The following TRAPPC8 variants were observed in gnomAD, a reference collection of about 807,000 sequenced individuals.
TRAPPC8 encodes the protein general sporulation gene 1 homolog.
In TRAPPC8, 54 loss-of-function variants were observed where a neutral mutation model predicts 174.3. The observed-to-expected ratio is 0.31, with a 90% CI of 0.25 to 0.39. TRAPPC8 has a LOEUF of 0.39. TRAPPC8 is among the 10% of genes least tolerant of loss of function. The pLI is 1.00. For synonymous variants in TRAPPC8, 630 were observed against 579.9 expected (o/e 1.09, Z -1.24); for missense variants, 1,531 against 1,699.1 (o/e 0.90, Z 1.74).
chr18:31,846,143 T>G (rs111343328), intron 26 of TRAPPC8, among the ~76,000 whole-genome samples: 6 of 152,332 alleles, frequency 3.9e-5, no homozygotes, highest in African/African-American at 1.4e-4. Flanking sequence ...ATGGAATGTA[T>G]GTGAGGAAAC....
At chr18:31,930,480 C>T (rs186825749) in intron 2 of TRAPPC8, among the ~76,000 whole-genome samples, 2 of 152,218 alleles carry the variant, frequency 1.3e-5, no homozygotes, top group Admixed American at 1.3e-4. Flanking sequence ...TATAAACTAT[C>T]CTGGCCTAAA....
chr18:31,915,440 G>A (rs2145529154), intron 4 of TRAPPC8, among the ~76,000 whole-genome samples: 1 of 130,740 alleles, frequency 7.6e-6, no homozygotes, highest in East Asian at 2.6e-4. Context: ...TACAGCCTAG[G>A]TGACAAAGTG....
intron 27 of TRAPPC8, among the ~76,000 whole-genome samples, chr18:31,836,524 G>A (rs143050345): frequency 6.6e-6 from 1 of 152,066 alleles, no homozygotes; most frequent in Non-Finnish European, 1.5e-5. Context: ...AAGCAGGACG[G>A]GTTTAATAAA....
chr18:31,844,103 C>T (rs1439735653), intron 26 of TRAPPC8, among the ~76,000 whole-genome samples: 1 of 152,136 alleles, frequency 6.6e-6, no homozygotes, highest in East Asian at 1.9e-4. Flanking sequence ...CTAAAATCAA[C>T]CATTTTTCCA....
Position 31,909,714 on chromosome 18 carries a change from G to C in TRAPPC8, c.818C>G (p.Ser273Cys). ...ATCCAATGAAAGCAAGTTATTATCA[G>C]AATTCTTATTTGAAGTTATAGTACA... ...GPCTITSNKN[S>C]DNNLLSLDGL... The change falls in exon 6 of 29, where the codon TCT becomes TGT. Residue 273 changes from serine (S) to cysteine (C), a missense_variant. Coordinates refer to ENST00000283351, the MANE Select transcript of TRAPPC8 (RefSeq NM_014939.5). 1 of 1,600,820 alleles carries C rather than the reference G, an allele frequency of 6.2e-7. No individual in the cohort carries two copies. The highest frequency in any genetic ancestry group is 8.5e-7 in the Non-Finnish European group (1 of 1,176,422).
At position 31,874,703 on chromosome 18, in the gene TRAPPC8, T is replaced by A. The variant is rs1226935399; in HGVS notation, c.1730A>T (p.Lys577Ile). 6.2e-7 allele frequency: 1 copy of A among 1,608,530 alleles called. No homozygotes were observed. Among genetic ancestry groups the A allele is most frequent in the African/African-American group, 1.3e-5 (1 of 74,744 alleles). The change falls in exon 13 of 29, where the codon AAA becomes ATA. Residue 577 changes from lysine (K) to isoleucine (I), a missense_variant and splice_region_variant. Transcript: ENST00000283351. ...AGHRFSKAGQ[K>I]KHALRCYCQA... Reference sequence around the variant, plus strand: ...ACAATAACAGCGTAAAGCATGCTTTTTCTGTAAGAAAATAAACAAAATAAT... The same window carrying A: ...ACAATAACAGCGTAAAGCATGCTTTATCTGTAAGAAAATAAACAAAATAAT...
chr18:31,857,829 G>C lies in TRAPPC8; in HGVS notation c.2899C>G (p.Leu967Val). 6.2e-7 allele frequency: 1 copy of C among 1,614,132 alleles called. No homozygotes were observed. The highest frequency in any genetic ancestry group is 8.5e-7 in the Non-Finnish European group (1 of 1,180,036). ...GAAGCTGAGGGACTTAGTGGTGTTAGAACAGCAGTATTACCACCGAAAGTA... is the reference window on the plus strand; with the variant it reads ...GAAGCTGAGGGACTTAGTGGTGTTACAACAGCAGTATTACCACCGAAAGTA... The part of the protein sequence containing the change: ...FFTFGGNTAV[L>V]TPLSPSASEN... Residue 967 changes from leucine (L) to valine (V), a missense_variant, in exon 20 of 29, where the codon CTA (leucine) becomes GTA (valine). Transcript: ENST00000283351.
intron 19 of TRAPPC8, among the ~76,000 whole-genome samples, chr18:31,859,640 G>C (rs1353318132): frequency 6.6e-6 from 1 of 152,184 alleles, no homozygotes; most frequent in Non-Finnish European, 1.5e-5. Context: ...AACAGTGATA[G>C]AACACATAAA....
At chr18:31,866,798 G>A in intron 18 of TRAPPC8, 51 bp downstream of exon 18, 1 of 1,583,294 alleles carries the variant, frequency 6.3e-7, no homozygotes, top group Non-Finnish European at 8.6e-7. Context: ...TTTATTCTAT[G>A]GAGTGATTTA....
intron 19 of TRAPPC8, among the ~76,000 whole-genome samples, chr18:31,864,332 TA>T (rs1230161378): frequency 1.3e-4 from 19 of 151,938 alleles, no homozygotes; most frequent in Non-Finnish European, 2.8e-4. Context: ...AATTATTTTT[TA>T]TAACTTATGA....
chr18:31,893,402 T>TGTGTGTGTGTGC (rs1491520716), intron 11 of TRAPPC8, among the ~76,000 whole-genome samples: 6 of 138,246 alleles, frequency 4.3e-5, no homozygotes, highest in African/African-American at 1.6e-4. Context: ...TGTGTGTGTG[T>TGTGTGTGTGTGC]GCGCGCGCGC....
Position 31,857,779 on chromosome 18 carries a change from A to C in TRAPPC8, c.2949T>G (p.Thr983=). ...ACACAGAGGTAGCATCTGTCACAAC[A>C]GTCTTGTAAGCACTACAATTCTCAG... ...SASENCSAYK[T]VVTDATSVCT... The change falls in exon 20 of 29, where the codon ACT becomes ACG. Residue 983 remains threonine (T), a synonymous_variant. Coordinates refer to ENST00000283351, the MANE Select transcript of TRAPPC8 (RefSeq NM_014939.5). 1 of 1,614,178 alleles carries C rather than the reference A, an allele frequency of 6.2e-7. No homozygotes were observed. Among genetic ancestry groups the C allele is most frequent in the Non-Finnish European group, 8.5e-7 (1 of 1,180,024 alleles).
At chr18:31,891,676 A>G (rs1361661592) in intron 11 of TRAPPC8, among the ~76,000 whole-genome samples, 1 of 152,218 alleles carries the variant, frequency 6.6e-6, no homozygotes, top group Non-Finnish European at 1.5e-5. Flanking sequence ...CCAGGTTTTT[A>G]GCTGTTCTCA....
At chr18:31,942,501 G>A in intron 1 of TRAPPC8, 107 bp downstream of exon 1, 1 of 1,351,004 alleles carries the variant, frequency 7.4e-7, no homozygotes, top group South Asian at 1.7e-5. Flanking sequence ...CCACGGTACC[G>A]GCTCCAGGAC....
chr18:31,868,711 G>A (rs2034701799), intron 16 of TRAPPC8, among the ~76,000 whole-genome samples: 3 of 151,694 alleles, frequency 2.0e-5, no homozygotes, highest in Non-Finnish European at 4.4e-5. Context: ...CTTGTTTTGT[G>A]GTTTTTTTTG....
In TRAPPC8 at chr18:31,829,337, T is replaced by C. The variant is rs1038318564; in HGVS notation, c.*1418A>G. 1.3e-5 allele frequency: 2 copies of C among 152,206 alleles called. No individual in the cohort carries two copies. The highest frequency in any genetic ancestry group is 2.9e-5 in the Non-Finnish European group (2 of 68,040). 9.4% of individuals were successfully genotyped at this position (152,206 alleles called of 1,614,324 possible). On this transcript the variant is annotated 3_prime_UTR_variant, in exon 29 of 29. Transcript: ENST00000283351. ...TTTAAATATGAGATACCACTGTGAT[T>C]ATGCCTCCTCATTCTTGTCTTTCCT...
At chr18:31,850,047 G>C (rs1396944053) in intron 24 of TRAPPC8, among the ~76,000 whole-genome samples, 1 of 151,858 alleles carries the variant, frequency 6.6e-6, no homozygotes, top group African/African-American at 2.4e-5. Flanking sequence ...CTACCTCCTG[G>C]GCCCAAGCAA....
At chr18:31,900,746 C>T (rs1160342674) in intron 10 of TRAPPC8, among the ~76,000 whole-genome samples, 179 bp downstream of exon 10, 2 of 152,036 alleles carry the variant, frequency 1.3e-5, no homozygotes, top group Non-Finnish European at 2.9e-5. Context: ...TTCCTAACCA[C>T]CAATCCAAAC....
chr18:31,845,394 G>GGTTTTAATGAATATTAAAAA (rs2033345238), intron 26 of TRAPPC8, among the ~76,000 whole-genome samples: 1 of 151,532 alleles, frequency 6.6e-6, no homozygotes, highest in Non-Finnish European at 1.5e-5. Flanking sequence ...ACCTTTGATA[G>GGTTTTAATGAATATTAAAAA]CATTTGAATA....
Sources: allele counts gnomAD v4.1 joint callset (sites outside exome capture counted in the v4.1 genomes callset), GRCh38; gene constraint gnomAD v4.1.1; transcripts MANE v1.5; gene names NCBI Gene and HGNC (gene_info 2026-07-23, HGNC 2026-07-21).